Variants in BCAS3 observed in about 807,000 individuals in gnomAD.
BCAS3 encodes BCAS3 microtubule associated cell migration factor, also known as BCAS4/BCAS3 fusion.
Under a neutral mutation model 116.1 loss-of-function variants are expected in BCAS3, and 53 were observed. The observed-to-expected ratio is 0.46, with a 90% CI of 0.37 to 0.57. The LOEUF is 0.57. Ranked by LOEUF, BCAS3 falls within the 20% of genes least tolerant of loss-of-function variation. BCAS3 has a pLI of 0.00. For missense variants in BCAS3, 917 were observed against 1,165.4 expected (o/e 0.79, Z 3.10); for synonymous variants, 391 against 408.2 (o/e 0.96, Z 0.51).
In BCAS3 at chr17:61,104,075, C is replaced by T. The variant is rs924184589; in HGVS notation, c.2425+19511C>T. On this transcript the variant is annotated intron_variant, in intron 22 of 23. Transcript: ENST00000407086. This position sits in a 1 kb window ranked among gnomAD's most constrained non-coding sequence, Gnocchi z 4.1. ...CACAGTGTGGATTTTTCTTATGATA[C>T]GTTGGAATAAAAGAAAAAACTTTTC... is the stretch of plus-strand genomic sequence containing the variant. Among the ~76,000 whole-genome samples, 2 of 152,068 alleles carry T rather than the reference C, an allele frequency of 1.3e-5. No individual in the cohort carries two copies. Among genetic ancestry groups the T allele is most frequent in the Admixed American group, 6.6e-5 (1 of 15,254 alleles).
In BCAS3 at chr17:61,186,206, G is replaced by C. The variant is rs551054768; in HGVS notation, c.2425+101642G>C. On this transcript the variant is annotated intron_variant, in intron 22 of 23. Transcript: ENST00000407086. The surrounding 1 kb of genome is among the most constrained non-coding windows in gnomAD (Gnocchi z 4.9). ...CATTCTATAAAATCATTTTTAACCC[G>C]TATGTTAAGGTTGTCTTTGATATGA... 1.3e-5 allele frequency among the ~76,000 whole-genome samples: 2 copies of C among 151,970 alleles called. No individual in the cohort carries two copies. The highest frequency in any genetic ancestry group is 3.9e-4 in the East Asian group (2 of 5,178).
rs1480028982 is a variant in BCAS3 at position 61,381,083 on chromosome 17, T to G, written c.2594-10894T>G. ...TATACAACCTAATGTAACACAAAAT[T>G]CATTACTGATCACATTACTTTCAAC... On this transcript the variant is annotated intron_variant, in intron 23 of 23. Transcript: ENST00000407086. This position sits in a 1 kb window ranked among gnomAD's most constrained non-coding sequence, Gnocchi z 6.0. Among the ~76,000 whole-genome samples, 1 of 152,206 alleles carries G rather than the reference T, an allele frequency of 6.6e-6. No homozygotes were observed. Among genetic ancestry groups the G allele is most frequent in the East Asian group, 1.9e-4 (1 of 5,198 alleles).
intron 5 of BCAS3, among the ~76,000 whole-genome samples, chr17:60,723,347 C>T (rs1055639954): frequency 2.6e-5 from 4 of 152,064 alleles, no homozygotes; most frequent in Admixed American, 6.6e-5. Flanking sequence ...GCCTCAGCCT[C>T]CTGAGTAGCT....
At chr17:60,851,446 C>T (rs1260159520) in intron 7 of BCAS3, 4 of 475,678 alleles carry the variant, frequency 8.4e-6, no homozygotes, top group African/African-American at 2.0e-5. Flanking sequence ...AGGAGATCGC[C>T]GCGGTTGTCA....
At chr17:61,174,903 T>C (rs2079051290) in intron 22 of BCAS3, among the ~76,000 whole-genome samples, 1 of 152,202 alleles carries the variant, frequency 6.6e-6, no homozygotes, top group African/African-American at 2.4e-5. Context: ...TCAATTAAGA[T>C]AGAATCAGGC....
intron 13 of BCAS3, among the ~76,000 whole-genome samples, chr17:60,932,140 T>G (rs1255784014): frequency 1.3e-5 from 2 of 152,194 alleles, no homozygotes; most frequent in East Asian, 3.9e-4. Flanking sequence ...GTTGTTTCTG[T>G]TTTCATTATT....
Position 61,222,266 on chromosome 17 carries a change from G to A in BCAS3, c.2425+137702G>A, listed in dbSNP as rs1240106563. 6.6e-6 allele frequency among the ~76,000 whole-genome samples: 1 copy of A among 152,212 alleles called. No individual in the cohort carries two copies. The highest frequency in any genetic ancestry group is 1.5e-5 in the Non-Finnish European group (1 of 68,034). On this transcript the variant is annotated intron_variant, in intron 22 of 23. Coordinates refer to ENST00000407086, the MANE Select transcript of BCAS3 (RefSeq NM_017679.5). The surrounding 1 kb of genome is among the most constrained non-coding windows in gnomAD (Gnocchi z 6.1). ...TGAAAGAAAGGGCCTCCATAGGCTT[G>A]TCAAACCATAGACTTCAATTTTGAA... is the stretch of plus-strand genomic sequence containing the variant.
chr17:60,792,706 T>G (rs577621869), intron 6 of BCAS3, among the ~76,000 whole-genome samples: 10 of 152,286 alleles, frequency 6.6e-5, no homozygotes, highest in Admixed American at 1.3e-4. Flanking sequence ...CCCCAGCCGT[T>G]TGGCATGTGA....
chr17:61,316,521 G>A lies in BCAS3; in HGVS notation c.2426-51806G>A, dbSNP rs773887149. On this transcript the variant is annotated intron_variant, in intron 22 of 23. Transcript: ENST00000407086. The surrounding 1 kb of genome is among the most constrained non-coding windows in gnomAD (Gnocchi z 5.8). Reference sequence around the variant, plus strand: ...GCCCTCCTATTTGCCTCCACATGCCGCCGCGTCCCTTCCACAGCTCCCCTG... The same window carrying A: ...GCCCTCCTATTTGCCTCCACATGCCACCGCGTCCCTTCCACAGCTCCCCTG... Among the ~76,000 whole-genome samples, 3 of 151,906 alleles carry A rather than the reference G, an allele frequency of 2.0e-5. No homozygotes were observed. The highest frequency in any genetic ancestry group is 6.6e-5 in the Admixed American group (1 of 15,242).
rs2072899050 is a variant in BCAS3 at position 61,084,226 on chromosome 17, T to TA, written c.2328-236dup. 6.6e-6 allele frequency among the ~76,000 whole-genome samples: 1 copy of TA among 152,082 alleles called. No homozygotes were observed. Among genetic ancestry groups the TA allele is most frequent in the Non-Finnish European group, 1.5e-5 (1 of 68,028 alleles). ...AATGTCAGCTTTTCAGTCCCTTCCT[T>TA]AAAAATCTATGGAATAACACACAAA... On this transcript the variant is annotated intron_variant, in intron 21 of 23. Coordinates refer to ENST00000407086, the MANE Select transcript of BCAS3 (RefSeq NM_017679.5). The surrounding 1 kb of genome is among the most constrained non-coding windows in gnomAD (Gnocchi z 5.5).
Position 61,023,937 on chromosome 17 carries a change from A to G in BCAS3, c.1637+8036A>G, listed in dbSNP as rs1304174312. Among the ~76,000 whole-genome samples, 1 of 152,202 alleles carries G rather than the reference A, an allele frequency of 6.6e-6. No individual in the cohort carries two copies. Among genetic ancestry groups the G allele is most frequent in the East Asian group, 1.9e-4 (1 of 5,198 alleles). ...ATTTAATGGTGATTGGAAAACACCA[A>G]TTATTCGAGTTTGAATATAGTAATT... is the stretch of plus-strand genomic sequence containing the variant. On this transcript the variant is annotated intron_variant, in intron 16 of 23. Transcript: ENST00000407086. The surrounding 1 kb of genome is among the most constrained non-coding windows in gnomAD (Gnocchi z 4.8).
chr17:60,940,944 A>G (rs2060189834), intron 13 of BCAS3, among the ~76,000 whole-genome samples: 1 of 152,120 alleles, frequency 6.6e-6, no homozygotes, highest in Non-Finnish European at 1.5e-5. Context: ...AAATTTTGCT[A>G]TTCTTTAATT....
intron 9 of BCAS3, chr17:60,886,416 C>T (rs368622955): frequency 6.6e-6 from 1 of 151,884 alleles, no homozygotes; most frequent in African/African-American, 2.4e-5. Context: ...CAGAGTAATT[C>T]GATCGTCTGA....
chr17:60,875,365 G>A (rs1420110770), intron 9 of BCAS3, among the ~76,000 whole-genome samples: 1 of 151,976 alleles, frequency 6.6e-6, no homozygotes, highest in African/African-American at 2.4e-5. Context: ...CCTCATTTGG[G>A]TCAACTTACA....
At chr17:60,810,599 T>A in intron 7 of BCAS3, 1 of 723,822 alleles carries the variant, frequency 1.4e-6, no homozygotes, top group Non-Finnish European at 2.6e-6. Context: ...CCAAATACTG[T>A]GGACAGTGCC....
chr17:60,802,369 T>TAC (rs201087718), intron 6 of BCAS3, among the ~76,000 whole-genome samples: 2 of 138,912 alleles, frequency 1.4e-5, no homozygotes, highest in Non-Finnish European at 3.0e-5. Context: ...CATACATACA[T>TAC]ACATATATAT....
intron 5 of BCAS3, among the ~76,000 whole-genome samples, chr17:60,731,001 T>C (rs2144159257): frequency 6.6e-6 from 1 of 152,324 alleles, no homozygotes; most frequent in East Asian, 1.9e-4. Context: ...TTCCTTAGTA[T>C]AAGATGATAC....
In BCAS3 at chr17:61,077,297, C is replaced by T. The variant is rs985183061; in HGVS notation, c.2131-1036C>T. On this transcript the variant is annotated intron_variant, in intron 20 of 23. Transcript: ENST00000407086. This position sits in a 1 kb window ranked among gnomAD's most constrained non-coding sequence, Gnocchi z 4.3. ...CTTTGGGAGGCCGAGGCAGGCGGAT[C>T]ACCAGGTCAGGAGACCAAGACCATC... 6.6e-6 allele frequency among the ~76,000 whole-genome samples: 1 copy of T among 152,144 alleles called. No homozygotes were observed. Among genetic ancestry groups the T allele is most frequent in the Non-Finnish European group, 1.5e-5 (1 of 68,030 alleles).
rs938629674 is a variant in BCAS3, at chr17:60,874,642, T to C, written c.585-20T>C. On this transcript the variant is annotated intron_variant, in intron 8 of 23. Transcript: ENST00000407086. The stretch of plus-strand genomic sequence containing the variant: ...CATTCACTTTTTTTCTTTCTGTTTT[T>C]TTTCTCTCTCTAATTTTAGGATCCT... 6.4e-7 allele frequency: 1 copy of C among 1,567,398 alleles called. No homozygotes were observed. Among genetic ancestry groups the C allele is most frequent in the Non-Finnish European group, 8.8e-7 (1 of 1,141,186 alleles).
Sources: gnomAD v4.1 joint callset for allele counts (sites outside exome capture counted in the v4.1 genomes callset) on GRCh38, gnomAD v4.1.1 for gene constraint, Gnocchi (gnomAD v3.1) non-coding constraint, MANE v1.5 for transcripts, NCBI Gene and HGNC (gene_info 2026-07-23, HGNC 2026-07-21) for gene names.